CENPN: variants seen among roughly 807,000 people sequenced by gnomAD.
The protein encoded by CENPN is interphase centromere complex protein 32.
In CENPN, 36 loss-of-function variants were observed where a neutral mutation model predicts 48.6. The ratio of observed to expected loss-of-function variants is 0.74; its 90% CI spans 0.57 to 0.98. The LOEUF is 0.98. CENPN is among the 50% of genes least tolerant of loss of function. The pLI, the probability that CENPN is intolerant of heterozygous loss-of-function variation, is 0.00. For missense variants in CENPN, 439 were observed against 399.2 expected (o/e 1.10, Z -0.85); for synonymous variants, 166 against 135.2 (o/e 1.23, Z -1.58).
At chr16:81,014,430 G>C (rs556202603) in intron 3 of CENPN, 1 of 444,736 alleles carries the variant, frequency 2.2e-6, no homozygotes, top group Admixed American at 3.6e-5. Context: ...ACAAGGTTTT[G>C]CCGTGTTGCC....
At chr16:81,022,777 T>C in intron 7 of CENPN, 79 bp downstream of exon 7, 1 of 1,614,102 alleles carries the variant, frequency 6.2e-7, no homozygotes, top group Non-Finnish European at 8.5e-7. Context: ...ACTGGGAAAA[T>C]CTACCTCCGA....
chr16:81,013,978 T>G (rs1348591684), intron 2 of CENPN, among the ~76,000 whole-genome samples, 158 bp from the exon 3 acceptor site: 2 of 152,204 alleles, frequency 1.3e-5, no homozygotes, highest in Non-Finnish European at 2.9e-5. Flanking sequence ...TCAGAAAGAA[T>G]GTCCATTGGT....
intron 7 of CENPN, chr16:81,023,942 A>C (rs1010790615): frequency 2.6e-5 from 4 of 152,218 alleles, no homozygotes; most frequent in Non-Finnish European, 4.4e-5. Context: ...TTAGCCAGGC[A>C]TGGTGGCGGG....
intron 2 of CENPN, 103 bp downstream of exon 2, chr16:81,012,213 C>G: frequency 9.6e-7 from 1 of 1,036,536 alleles, no homozygotes; most frequent in Non-Finnish European, 1.4e-6. Context: ...AGCTGCTAAA[C>G]TACTAGTGAA....
rs1209502874 is a variant in CENPN at position 81,029,027 on chromosome 16, G to A, written c.*376G>A. 2.1e-5 allele frequency: 21 copies of A among 990,610 alleles called. No individual in the cohort carries two copies. Among genetic ancestry groups the A allele is most frequent in the Non-Finnish European group, 2.4e-5 (20 of 833,780 alleles). 61.4% of individuals were successfully genotyped at this position (990,610 alleles called of 1,614,324 possible). A position where few individuals can be genotyped will look rare whatever the true frequency, so the allele number is the denominator to read the frequency against. ...AATTCTGGAGAGGTCTGGTTCCAGT[G>A]GCTGGTTTCCAGGGATTGATTCTTA... On this transcript the variant is annotated 3_prime_UTR_variant, in exon 11 of 11. Transcript: ENST00000305850.
At chr16:81,017,491 C>T (rs993100370) in intron 4 of CENPN, 106 bp downstream of exon 4, 1 of 773,668 alleles carries the variant, frequency 1.3e-6, no homozygotes, top group African/African-American at 1.8e-5. Context: ...GCCTGGGTAA[C>T]AGAGCAAGAC....
chr16:81,027,501 A>C (rs565243858), intron 9 of CENPN, among the ~76,000 whole-genome samples: 1 of 152,290 alleles, frequency 6.6e-6, no homozygotes, highest in African/African-American at 2.4e-5. Context: ...AAAGAAAGAA[A>C]TCTCAGTGTG....
chr16:81,022,485 AC>A, intron 6 of CENPN, 111 bp from the exon 7 acceptor site: 1 of 884,610 alleles, frequency 1.1e-6, no homozygotes, highest in East Asian at 2.6e-5. Flanking sequence ...ACTTCTTTTT[AC>A]ACTTACGGGG....
intron 7 of CENPN, chr16:81,023,069 C>G: frequency 2.0e-6 from 1 of 494,792 alleles, no homozygotes; most frequent in South Asian, 2.2e-5. Context: ...TCCCATCACT[C>G]AAGCAGGTTA....
At position 81,030,001 on chromosome 16, in the gene CENPN, C is replaced by T. The variant is rs540361559; in HGVS notation, c.*1350C>T. Among the ~76,000 whole-genome samples the T allele has an allele frequency of 6.6e-6, 1 of 152,174 alleles. No homozygotes were observed. The highest frequency in any genetic ancestry group is 1.5e-5 in the Non-Finnish European group (1 of 68,044). Reference sequence around the variant, plus strand: ...AGGCAAATGAGAAGCAAAGTCATGTCTTACATGGCGGCAGGCAAGAGAGCT... The same window carrying T: ...AGGCAAATGAGAAGCAAAGTCATGTTTTACATGGCGGCAGGCAAGAGAGCT... On this transcript the variant is annotated 3_prime_UTR_variant, in exon 11 of 11. Transcript: ENST00000305850.
chr16:81,032,744 GTC>G (rs1421570448), downstream of CENPN: 1 of 1,542,784 alleles, frequency 6.5e-7, no homozygotes, highest in Non-Finnish European at 8.9e-7. Flanking sequence ...TCAAATGTAT[GTC>G]TCTCCTGATA....
intron 1 of CENPN, among the ~76,000 whole-genome samples, chr16:81,010,829 C>T (rs1450890630): frequency 2.0e-5 from 3 of 152,212 alleles, no homozygotes; most frequent in Admixed American, 6.5e-5. Flanking sequence ...TGTAATCCAT[C>T]TGGAAACCCC....
chr16:81,014,679 C>T (rs1418595081), intron 3 of CENPN, among the ~76,000 whole-genome samples: 2 of 152,150 alleles, frequency 1.3e-5, no homozygotes, highest in Admixed American at 6.5e-5. Context: ...ATCTACTTCA[C>T]GGTATTCTTG....
intron 8 of CENPN, among the ~76,000 whole-genome samples, chr16:81,026,234 C>T (rs1057082993): frequency 2.1e-5 from 3 of 144,876 alleles, no homozygotes; most frequent in South Asian, 2.2e-4. Context: ...CACATATATG[C>T]ATCTTTATTT....
At chr16:81,009,754 C>A (rs1269430637) in intron 1 of CENPN, among the ~76,000 whole-genome samples, 1 of 152,204 alleles carries the variant, frequency 6.6e-6, no homozygotes, top group African/African-American at 2.4e-5. Context: ...GAAGATACTT[C>A]TTTGTCCCTG....
chr16:81,023,394 G>C (rs1051405588), intron 7 of CENPN: 10 of 156,542 alleles, frequency 6.4e-5, no homozygotes, highest in Admixed American at 5.0e-4. Flanking sequence ...CTAACATTAA[G>C]AAGTTATATC....
chr16:81,017,642 A>G, intron 4 of CENPN, 116 bp from the exon 5 acceptor site: 1 of 782,994 alleles, frequency 1.3e-6, no homozygotes, highest in Non-Finnish European at 2.1e-6. Flanking sequence ...GTGTGATTTG[A>G]TCATTATTAC....
intron 5 of CENPN, 71 bp from the exon 6 acceptor site, chr16:81,020,029 A>T: frequency 7.2e-7 from 1 of 1,387,180 alleles, no homozygotes; most frequent in African/African-American, 1.4e-5. Context: ...ACCCCTAATA[A>T]GCACCTGGAG....
Position 81,014,087 on chromosome 16 carries a change from G to C in CENPN, c.172-49G>C, listed in dbSNP as rs769770350. 2.0e-6 allele frequency: 3 copies of C among 1,521,524 alleles called. No homozygotes were observed. In the Admixed American group the frequency reaches 5.0e-5, roughly 25 times the overall value. The allele number at this position is 1,521,524 out of a possible 1,614,324, so 94.3% of individuals were successfully genotyped here. Reference sequence around the variant, plus strand: ...CCTAAAATGTGTTTTAAACGGGATAGAACCAAACCTATAACCACAGTTACT... The same window carrying C: ...CCTAAAATGTGTTTTAAACGGGATACAACCAAACCTATAACCACAGTTACT... On this transcript the variant is annotated intron_variant, in intron 2 of 10. Transcript: ENST00000305850.
Sources: gnomAD v4.1 joint callset for allele counts (sites outside exome capture counted in the v4.1 genomes callset) on GRCh38, gnomAD v4.1.1 for gene constraint, MANE v1.5 for transcripts, NCBI Gene and HGNC (gene_info 2026-07-23, HGNC 2026-07-21) for gene names.